Variants in ATG7 observed in about 807,000 individuals in gnomAD.
ATG7 encodes the protein ubiquitin-like modifier-activating enzyme ATG7.
A neutral mutation model predicts 82.4 loss-of-function variants in ATG7; 70 were observed. That is an observed-to-expected ratio of 0.85 (90% CI 0.70 to 1.04). The LOEUF (loss-of-function observed/expected upper bound fraction) is 1.04, where lower values mean the gene tolerates loss of function less well. ATG7 is among the 50% of genes least tolerant of loss of function. The pLI, the probability that ATG7 is intolerant of heterozygous loss-of-function variation, is 0.00. For synonymous variants in ATG7, 287 were observed against 313.0 expected (o/e 0.92, Z 0.88); for missense variants, 792 against 864.3 (o/e 0.92, Z 1.05).
intron 20 of ATG7, among the ~76,000 whole-genome samples, chr3:11,512,868 T>A (rs556880289): frequency 9.2e-5 from 14 of 152,332 alleles, no homozygotes; most frequent in Non-Finnish European, 1.8e-4. Context: ...TACAGAGAGC[T>A]GATTGGTCCA....
chr3:11,479,039 C>CACAA (rs1384580179), intron 20 of ATG7, among the ~76,000 whole-genome samples: 2 of 149,498 alleles, frequency 1.3e-5, no homozygotes, highest in African/African-American at 5.0e-5. Flanking sequence ...CACACACACA[C>CACAA]AATTTTTTAC....
chr3:11,373,431 G>A (rs1351866848), intron 18 of ATG7, among the ~76,000 whole-genome samples: 1 of 152,166 alleles, frequency 6.6e-6, no homozygotes, highest in Non-Finnish European at 1.5e-5. Flanking sequence ...TGTAACTAAG[G>A]TTAGTAACAA....
At chr3:11,276,899 C>G (rs2152623546) in intron 1 of ATG7, among the ~76,000 whole-genome samples, 1 of 152,318 alleles carries the variant, frequency 6.6e-6, no homozygotes, top group East Asian at 1.9e-4. Context: ...CCCTCAAACT[C>G]AAACAAGTCT....
At chr3:11,385,082 T>C (rs2078216423) in intron 19 of ATG7, among the ~76,000 whole-genome samples, 1 of 152,194 alleles carries the variant, frequency 6.6e-6, no homozygotes, top group Non-Finnish European at 1.5e-5. Context: ...GAGGCTGGAG[T>C]GCAGTGGCGT....
In ATG7 at chr3:11,468,656, C is replaced by G. The variant is rs572746400; in HGVS notation, c.2079+41730C>G. ...CTAGAAAGAGGAACTCTTGATCCCC[C>G]ACTACTTCATTCTTTCAAGCCCTGT... On this transcript the variant is annotated intron_variant, in intron 20 of 20. Transcript: ENST00000693202. 2.0e-5 allele frequency among the ~76,000 whole-genome samples: 3 copies of G among 152,172 alleles called. 1 individual carries two copies. The highest frequency in any genetic ancestry group is 4.4e-5 in the Non-Finnish European group (3 of 68,036).
intron 11 of ATG7, among the ~76,000 whole-genome samples, chr3:11,335,252 C>A (rs977268666): frequency 2.0e-5 from 3 of 151,858 alleles, no homozygotes; most frequent in African/African-American, 7.2e-5. Flanking sequence ...ACATGCTATA[C>A]CTTTGTTTTA....
At position 11,398,032 on chromosome 3, in the gene ATG7, C is replaced by T. The variant is rs534104694; in HGVS notation, c.1956+17980C>T. On this transcript the variant is annotated intron_variant, in intron 19 of 20. Coordinates refer to ENST00000693202, the MANE Select transcript of ATG7 (RefSeq NM_001349232.2). ...CTGGGAGGTGGTGGTTGAAGTGAGT[C>T]GAGATCACACCACTGCACTCCAGCC... 9.3e-5 allele frequency among the ~76,000 whole-genome samples: 14 copies of T among 149,934 alleles called. No homozygotes were observed. The South Asian group carries it at 3.0e-3, about 32-fold the overall frequency.
chr3:11,498,350 C>T (rs1252691825), intron 20 of ATG7, among the ~76,000 whole-genome samples: 3 of 152,202 alleles, frequency 2.0e-5, no homozygotes, highest in African/African-American at 7.2e-5. Flanking sequence ...GCAGTGCAGT[C>T]CCCTGTATGG....
chr3:11,317,598 T>C (rs974368883), intron 9 of ATG7, among the ~76,000 whole-genome samples: 1 of 147,288 alleles, frequency 6.8e-6, no homozygotes, highest in African/African-American at 2.5e-5. Flanking sequence ...TTTTTTTTTT[T>C]TTTTTTGTTT....
At chr3:11,380,487 T>G (rs1453782724) in intron 19 of ATG7, among the ~76,000 whole-genome samples, 1 of 152,158 alleles carries the variant, frequency 6.6e-6, no homozygotes, top group Non-Finnish European at 1.5e-5. Context: ...ATTAGGGGCC[T>G]GGATGGGGAG....
chr3:11,466,643 GTGCTCTTAC>G (rs544075981), intron 20 of ATG7, among the ~76,000 whole-genome samples: 2 of 152,196 alleles, frequency 1.3e-5, no homozygotes, highest in Admixed American at 6.5e-5. Flanking sequence ...GTAAGCCTTT[GTGCTCTTAC>G]TGCTCTTTTC....
chr3:11,354,330 C>T (rs1265529468), intron 14 of ATG7, among the ~76,000 whole-genome samples: 1 of 152,080 alleles, frequency 6.6e-6, no homozygotes, highest in Non-Finnish European at 1.5e-5. Context: ...TTTTATAAAT[C>T]ATATAGCTAT....
chr3:11,381,634 A>T (rs1575888286), intron 19 of ATG7, among the ~76,000 whole-genome samples: 1 of 152,332 alleles, frequency 6.6e-6, no homozygotes, highest in Middle Eastern at 3.4e-3. Context: ...TATAGGTATC[A>T]CTTTTTTGTT....
chr3:11,555,720 A>ATTC lies in ATG7; in HGVS notation c.*879_*881dup, dbSNP rs2072339691. 1.3e-5 allele frequency: 2 copies of ATTC among 152,124 alleles called. No individual in the cohort carries two copies. The allele number at this position is 152,124 out of a possible 1,614,324, so 9.4% of individuals were successfully genotyped here. On this transcript the variant is annotated 3_prime_UTR_variant, in exon 21 of 21. Transcript: ENST00000693202. ...CAGGCAAGAGCTGGTTTTCCTCTTT[A>ATTC]TTCTGGGTGTGTGCAGCTGTGAGGC...
At chr3:11,367,828 G>C (rs555350671) in intron 18 of ATG7, among the ~76,000 whole-genome samples, 3 of 150,508 alleles carry the variant, frequency 2.0e-5, no homozygotes, top group South Asian at 4.2e-4. Context: ...GCAGCAGTAA[G>C]TATAAGCTAA....
chr3:11,448,829 T>C (rs898440411), intron 20 of ATG7, among the ~76,000 whole-genome samples: 2 of 152,162 alleles, frequency 1.3e-5, no homozygotes, highest in African/African-American at 4.8e-5. Context: ...CTCCTAGTGT[T>C]TTCTGTCCCT....
At chr3:11,558,739 G>A (rs567946589), downstream of ATG7, 566 of 1,614,078 alleles carry the variant, frequency 3.5e-4, no homozygotes, top group Admixed American at 7.3e-4. Context: ...TGATGGACAC[G>A]GAGTTGGGTG....
intron 20 of ATG7, among the ~76,000 whole-genome samples, chr3:11,427,643 G>A (rs1421174816): frequency 1.3e-5 from 2 of 151,768 alleles, no homozygotes; most frequent in East Asian, 1.9e-4. Flanking sequence ...TAGTGAAACC[G>A]TGTCTTCACT....
At chr3:11,294,585 A>G (rs1945550429) in intron 3 of ATG7, among the ~76,000 whole-genome samples, 1 of 152,172 alleles carries the variant, frequency 6.6e-6, no homozygotes, top group Non-Finnish European at 1.5e-5. Flanking sequence ...AAAGCCAAAA[A>G]ATATTTAATA....
Sources: gnomAD v4.1 joint callset for allele counts (sites outside exome capture counted in the v4.1 genomes callset) on GRCh38, gnomAD v4.1.1 for gene constraint, MANE v1.5 for transcripts, NCBI Gene and HGNC (gene_info 2026-07-23, HGNC 2026-07-21) for gene names.